The following CT55 variants were observed in gnomAD, a reference collection of about 807,000 sequenced individuals.
The protein encoded by CT55 is cancer/testis antigen 55, also known as BRCA2-interacting protein.
CT55 carries 1 observed loss-of-function variant against 12.6 expected under a neutral mutation model. The ratio of observed to expected loss-of-function variants is 0.08; its 90% CI spans 0.03 to 0.38. The LOEUF (loss-of-function observed/expected upper bound fraction) is 0.38, where lower values mean the gene tolerates loss of function less well. Among genes scored for constraint, CT55 ranks in the 10% least tolerant of loss-of-function variants. CT55 has a pLI of 0.99. For missense variants in CT55, 109 were observed against 135.4 expected (o/e 0.80, Z 0.97); for synonymous variants, 43 against 49.7 (o/e 0.87, Z 0.57).
At chrX:135,166,454 C>T (rs2083585679) in intron 2 of CT55, among the ~76,000 whole-genome samples, 1 of 111,510 alleles carries the variant, frequency 9.0e-6, no homozygotes, top group South Asian at 3.7e-4. Flanking sequence ...GAGGAGTGCA[C>T]CTCAACACAA....
intron 2 of CT55, among the ~76,000 whole-genome samples, chrX:135,162,974 G>A (rs1450189691): frequency 9.0e-6 from 1 of 111,582 alleles, no homozygotes; most frequent in Non-Finnish European, 1.9e-5. Context: ...AGCACCTGCC[G>A]CTGTGTCCCT....
rs782325029 is a variant in CT55, at chrX:135,158,299, T to C, written c.437A>G (p.Tyr146Cys). Residue 146 changes from tyrosine to cysteine, a missense_variant, in exon 4 of 6, where the codon TAT (tyrosine) becomes TGT (cysteine). Physicochemically the swap from Tyr to Cys is radical, Grantham distance 194. Coordinates refer to ENST00000276241, the MANE Select transcript of CT55 (RefSeq NM_001031705.3). ...TTCAACTTCTAACAAGTCACCCTTA[T>C]AAGGCACAAAATCTAAAACAGCCAT... ...IAIVSEDFVPYKGDLLEVEYS... is the reference protein window; with the variant it reads ...IAIVSEDFVPCKGDLLEVEYS... The C allele has an allele frequency of 3.9e-5, 47 of 1,190,253 alleles. No individual in the cohort carries two copies. In the South Asian group the frequency reaches 8.2e-4, roughly 21 times the overall value.
chrX:135,159,854 A>G (rs1292320133), intron 3 of CT55, among the ~76,000 whole-genome samples: 1 of 111,303 alleles, frequency 9.0e-6, no homozygotes, highest in East Asian at 2.8e-4. Context: ...GACAAAACAG[A>G]CAAAAAAATA....
Position 135,158,363 on chromosome X carries a change from T to G in CT55, c.425-52A>C, listed in dbSNP as rs139386253. ...TGTCATGATCTCTTAACTAGGTCACTTTTAATTTCACATGTTATTTGATAG... is the reference window on the plus strand; with the variant it reads ...TGTCATGATCTCTTAACTAGGTCACGTTTAATTTCACATGTTATTTGATAG... On this transcript the variant is annotated intron_variant, in intron 3 of 5. Transcript: ENST00000276241. 4.2e-3 allele frequency: 3,170 copies of G among 759,690 alleles called. 54 individuals are homozygous for G. The African/African-American group carries it at 0.051, about 12-fold the overall frequency. The allele number at this position is 759,690 out of a possible 1,213,427, so 62.6% of individuals were successfully genotyped here.
chrX:135,171,199 C>T lies in CT55; in HGVS notation c.-28G>A, dbSNP rs782464908. The T allele has an allele frequency of 1.5e-5, 18 of 1,208,237 alleles. No individual in the cohort carries two copies. The East Asian group carries it at 5.3e-4, about 36-fold the overall frequency. ...TCCCAGTTGTCACCACCGGCCTGGG[C>T]ACCGCTTGTGGCAGATGAAGCACGA... is the stretch of plus-strand genomic sequence containing the variant. On this transcript the variant is annotated 5_prime_UTR_variant, in exon 1 of 6. Transcript: ENST00000276241.
chrX:135,165,295 A>G (rs1371177064), intron 2 of CT55, among the ~76,000 whole-genome samples: 1 of 112,222 alleles, frequency 8.9e-6, no homozygotes, highest in African/African-American at 3.2e-5. Flanking sequence ...AAACTTTAGA[A>G]GTGGATGGAA....
intron 3 of CT55, among the ~76,000 whole-genome samples, chrX:135,159,645 A>G (rs782519685): frequency 9.0e-6 from 1 of 111,461 alleles, no homozygotes; most frequent in East Asian, 2.8e-4. Context: ...CAGGAATATT[A>G]CAACGTTTTC....
At chrX:135,162,284 A>G (rs1263645496) in intron 2 of CT55, among the ~76,000 whole-genome samples, 1 of 112,448 alleles carries the variant, frequency 8.9e-6, no homozygotes, top group Non-Finnish European at 1.9e-5. Context: ...CTAAGTGAAT[A>G]CTTGTGTAAA....
chrX:135,158,407 G>T, intron 3 of CT55, 96 bp from the exon 4 acceptor site: 1 of 493,145 alleles, frequency 2.0e-6, no homozygotes. Context: ...TTTAAAGTCA[G>T]TTCTGCTAAA....
intron 2 of CT55, among the ~76,000 whole-genome samples, chrX:135,160,817 A>G (rs2083559361): frequency 8.9e-6 from 1 of 111,988 alleles, no homozygotes; most frequent in African/African-American, 3.3e-5. Context: ...CAAGATTAAA[A>G]TAATACCGTC....
intron 2 of CT55, among the ~76,000 whole-genome samples, chrX:135,163,721 C>A (rs2083571759): frequency 9.0e-6 from 1 of 111,500 alleles, no homozygotes; most frequent in East Asian, 2.8e-4. Flanking sequence ...GTTCTGCATT[C>A]AGATACAATC....
At chrX:135,160,043 A>G (rs1556404889) in intron 3 of CT55, among the ~76,000 whole-genome samples, 1 of 111,691 alleles carries the variant, frequency 9.0e-6, no homozygotes, top group Admixed American at 9.5e-5. Context: ...CTTGTCACAG[A>G]AACTTCTCTA....
Position 135,171,202 on chromosome X carries a change from C to G in CT55, c.-31G>C, listed in dbSNP as rs41310456. ...CAGTTGTCACCACCGGCCTGGGCACCGCTTGTGGCAGATGAAGCACGAGGC... is the reference window on the plus strand; with the variant it reads ...CAGTTGTCACCACCGGCCTGGGCACGGCTTGTGGCAGATGAAGCACGAGGC... On this transcript the variant is annotated 5_prime_UTR_variant, in exon 1 of 6. Transcript: ENST00000276241. The G allele has an allele frequency of 3.3e-6, 4 of 1,208,892 alleles. No individual in the cohort carries two copies. Among genetic ancestry groups the G allele is most frequent in the Non-Finnish European group, 4.5e-6 (4 of 893,712 alleles).
At chrX:135,170,988 C>T in intron 1 of CT55, 90 bp downstream of exon 1, 2 of 1,159,323 alleles carry the variant, frequency 1.7e-6, no homozygotes. Flanking sequence ...CAGTACCCAC[C>T]CGAGTTACAA....
chrX:135,158,950 C>A (rs1175598398), intron 3 of CT55, among the ~76,000 whole-genome samples: 1 of 112,145 alleles, frequency 8.9e-6, no homozygotes, highest in Non-Finnish European at 1.9e-5. Context: ...GTGTTGTGTT[C>A]AACTAATGAA....
intron 1 of CT55, among the ~76,000 whole-genome samples, chrX:135,170,017 T>A (rs1340759523): frequency 8.9e-6 from 1 of 111,994 alleles, no homozygotes; most frequent in Non-Finnish European, 1.9e-5. Context: ...AATTATTTTT[T>A]AATTTTTTGA....
At chrX:135,171,448 G>T (rs1285557588), upstream of CT55, 5 of 318,049 alleles carry the variant, frequency 1.6e-5, no homozygotes, top group African/African-American at 1.3e-4. Context: ...ACCAATGGGC[G>T]TGCAGTGGGT....
intron 2 of CT55, among the ~76,000 whole-genome samples, chrX:135,166,462 C>G (rs2083585725): frequency 9.0e-6 from 1 of 111,485 alleles, no homozygotes; most frequent in Non-Finnish European, 1.9e-5. Flanking sequence ...CACCTCAACA[C>G]AATAAAGGTC....
intron 2 of CT55, among the ~76,000 whole-genome samples, chrX:135,165,869 T>C (rs1420943909): frequency 9.5e-6 from 1 of 104,900 alleles, no homozygotes; most frequent in Non-Finnish European, 2.0e-5. Flanking sequence ...GATGTAATGG[T>C]GAAGAAATGG....
Sources: gnomAD v4.1 joint callset for allele counts (sites outside exome capture counted in the v4.1 genomes callset) on GRCh38, gnomAD v4.1.1 for gene constraint, MANE v1.5 for transcripts, NCBI Gene and HGNC (gene_info 2026-07-23, HGNC 2026-07-21) for gene names.